The following OLIG2 variants were observed in gnomAD, a reference collection of about 807,000 sequenced individuals.
The protein encoded by OLIG2 is oligodendrocyte transcription factor 2, also known as basic domain, helix-loop-helix protein, class B, 1.
A neutral mutation model predicts 13.4 loss-of-function variants in OLIG2; 12 were observed. That is an observed-to-expected ratio of 0.90 (90% CI 0.58 to 1.46). OLIG2 has a LOEUF of 1.46. Ranked by LOEUF, OLIG2 falls within the 40% of genes most tolerant of loss-of-function variation. The probability of loss-of-function intolerance (pLI) is 0.00; values close to 1 mark genes in which losing one functional copy is unlikely to be tolerated. For synonymous variants in OLIG2, 250 were observed against 233.6 expected (o/e 1.07, Z -0.64); for missense variants, 415 against 487.9 (o/e 0.85, Z 1.41).
chr21:33,027,828 C>T lies in OLIG2; in HGVS notation c.966C>T (p.Ala322=), dbSNP rs774581948. Residue 322 remains alanine, a synonymous_variant, in exon 2 of 2, where the codon GCC becomes GCT. Coordinates refer to ENST00000382357, the MANE Select transcript of OLIG2 (RefSeq NM_005806.4). ...GCCTGCCGCGCCTCACCTCCGACGCCAAGTGAGCCGACTGGCGCCGGCGCG... is the reference window on the plus strand; with the variant it reads ...GCCTGCCGCGCCTCACCTCCGACGCTAAGTGAGCCGACTGGCGCCGGCGCG... The part of the protein sequence containing the change: ...AGSLPRLTSD[A]K 1.7e-5 allele frequency: 24 copies of T among 1,404,976 alleles called. No individual in the cohort carries two copies. The highest frequency in any genetic ancestry group is 6.4e-6 in the Non-Finnish European group (7 of 1,087,764). The allele number at this position is 1,404,976 out of a possible 1,614,324, so 87.0% of individuals were successfully genotyped here.
At position 33,027,964 on chromosome 21, in the gene OLIG2, T is replaced by G. The variant is rs1246854000; in HGVS notation, c.*130T>G. On this transcript the variant is annotated 3_prime_UTR_variant, in exon 2 of 2. Coordinates refer to ENST00000382357, the MANE Select transcript of OLIG2 (RefSeq NM_005806.4). ...AGGACCATGGACTGGGGGTGGGGCA[T>G]GGTGGGGATTCCAGCATCTGCGAAC... The G allele has an allele frequency of 1.9e-6, 2 of 1,059,764 alleles. No homozygotes were observed. Among genetic ancestry groups the G allele is most frequent in the Non-Finnish European group, 1.3e-6 (1 of 796,656 alleles). The allele number at this position is 1,059,764 out of a possible 1,614,324, so 65.6% of individuals were successfully genotyped here. A position where few individuals can be genotyped will look rare whatever the true frequency, so the allele number is the denominator to read the frequency against.
In OLIG2 at chr21:33,029,152, A is replaced by C. The variant is rs1981225054; in HGVS notation, c.*1318A>C. The C allele has an allele frequency of 4.9e-6, 1 of 205,430 alleles. No homozygotes were observed. The highest frequency in any genetic ancestry group is 2.3e-5 in the African/African-American group (1 of 42,948). 12.7% of individuals were successfully genotyped at this position (205,430 alleles called of 1,614,324 possible). A position where few individuals can be genotyped will look rare whatever the true frequency, so the allele number is the denominator to read the frequency against. Reference sequence around the variant, plus strand: ...ATTACTTGTTTGGTTGCAAAAACGGAATAAATGACTGAGTGTTGAGATTTT... The same window carrying C: ...ATTACTTGTTTGGTTGCAAAAACGGCATAAATGACTGAGTGTTGAGATTTT... On this transcript the variant is annotated 3_prime_UTR_variant, in exon 2 of 2. Transcript: ENST00000382357.
Position 33,027,939 on chromosome 21 carries a change from A to G in OLIG2, c.*105A>G. 1 of 1,239,410 alleles carries G rather than the reference A, an allele frequency of 8.1e-7. No individual in the cohort carries two copies. 76.8% of individuals were successfully genotyped at this position (1,239,410 alleles called of 1,614,324 possible). On this transcript the variant is annotated 3_prime_UTR_variant, in exon 2 of 2. Coordinates refer to ENST00000382357, the MANE Select transcript of OLIG2 (RefSeq NM_005806.4). ...GGAGCTCTGTCGCGAGGAGGGGCGC[A>G]GGACCATGGACTGGGGGTGGGGCAT...
rs372127202 is a variant in OLIG2, at chr21:33,027,258, C to G, written c.396C>G (p.Arg132=). Residue 132 remains arginine (R), a synonymous_variant, in exon 2 of 2, where the codon CGC becomes CGG. Coordinates refer to ENST00000382357, the MANE Select transcript of OLIG2 (RefSeq NM_005806.4). ...HDLNIAMDGL[R]EVMPYAHGPS... Reference sequence around the variant, plus strand: ...TCAACATCGCCATGGATGGCCTCCGCGAGGTCATGCCGTACGCACACGGCC... The same window carrying G: ...TCAACATCGCCATGGATGGCCTCCGGGAGGTCATGCCGTACGCACACGGCC... 23 of 1,609,852 alleles carry G rather than the reference C, an allele frequency of 1.4e-5. No homozygotes were observed. Among genetic ancestry groups the G allele is most frequent in the African/African-American group, 1.1e-4 (8 of 74,880 alleles).
chr21:33,028,215 ACT>A lies in OLIG2; in HGVS notation c.*383_*384del, dbSNP rs1236806771. 1 of 254,740 alleles carries A rather than the reference ACT, an allele frequency of 3.9e-6. No individual in the cohort carries two copies. The highest frequency in any genetic ancestry group is 2.2e-5 in the African/African-American group (1 of 45,634). 15.8% of individuals were successfully genotyped at this position (254,740 alleles called of 1,614,324 possible). A position where few individuals can be genotyped will look rare whatever the true frequency, so the allele number is the denominator to read the frequency against. ...CCTGAGAGCGTGGCCTGACTTGCAG[ACT>A]CGGCTTGGGCAGCACTTCGGGGGGG... On this transcript the variant is annotated 3_prime_UTR_variant, in exon 2 of 2. Transcript: ENST00000382357.
chr21:33,027,567 C>T lies in OLIG2; in HGVS notation c.705C>T (p.Ala235=), dbSNP rs768931419. ...CAGCGGCTGCTGCCGCCGCTGCAGC[C>T]GCGGCTGTGTCCAGCGCCTCTCTGC... is the stretch of plus-strand genomic sequence containing the variant. ...AAAAAAAAAA[A]AAVSSASLPG... is the part of the protein sequence containing the mutation. The change falls in exon 2 of 2, where the codon GCC becomes GCT. Residue 235 remains alanine, a synonymous_variant. Transcript: ENST00000382357. The T allele has an allele frequency of 7.0e-5, 103 of 1,476,982 alleles. 1 individual carries two copies. Among genetic ancestry groups the T allele is most frequent in the African/African-American group, 1.5e-5 (1 of 68,154 alleles). 91.5% of individuals were successfully genotyped at this position (1,476,982 alleles called of 1,614,324 possible).
rs759717501 is a variant in OLIG2, at chr21:33,027,837, C to A, written c.*3C>A. On this transcript the variant is annotated 3_prime_UTR_variant, in exon 2 of 2. Transcript: ENST00000382357. ...GCCTCACCTCCGACGCCAAGTGAGC[C>A]GACTGGCGCCGGCGCGTTCTGGCGA... The A allele has an allele frequency of 9.4e-6, 13 of 1,389,362 alleles. No homozygotes were observed. Among genetic ancestry groups the A allele is most frequent in the Non-Finnish European group, 5.6e-6 (6 of 1,078,776 alleles). The allele number at this position is 1,389,362 out of a possible 1,614,324, so 86.1% of individuals were successfully genotyped here. A position where few individuals can be genotyped will look rare whatever the true frequency, so the allele number is the denominator to read the frequency against.
In OLIG2 at chr21:33,026,854, C is replaced by A. The variant is rs758738495; in HGVS notation, c.-9C>A. ...GCGAAAGCTGCGACGACTATCTTCCCCTGGGGCCATGGACTCGGACGCCAG... is the reference window on the plus strand; with the variant it reads ...GCGAAAGCTGCGACGACTATCTTCCACTGGGGCCATGGACTCGGACGCCAG... On this transcript the variant is annotated 5_prime_UTR_variant, in exon 2 of 2. Coordinates refer to ENST00000382357, the MANE Select transcript of OLIG2 (RefSeq NM_005806.4). The surrounding 1 kb of genome is among the most constrained non-coding windows in gnomAD (Gnocchi z 6.6). 10 of 1,608,112 alleles carry A rather than the reference C, an allele frequency of 6.2e-6. No homozygotes were observed. The highest frequency in any genetic ancestry group is 8.5e-6 in the Non-Finnish European group (10 of 1,179,768).
rs1404827982 is a variant in OLIG2, at chr21:33,029,131, CTTGT to C, written c.*1301_*1304del. On this transcript the variant is annotated 3_prime_UTR_variant, in exon 2 of 2. Coordinates refer to ENST00000382357, the MANE Select transcript of OLIG2 (RefSeq NM_005806.4). ...ACAAAGTGCTAAATAATATTTATTA[CTTGT>C]TTGGTTGCAAAAACGGAATAAATGA... 3 of 210,106 alleles carry C rather than the reference CTTGT, an allele frequency of 1.4e-5. No individual in the cohort carries two copies. The highest frequency in any genetic ancestry group is 2.1e-5 in the Non-Finnish European group (2 of 93,954). The allele number at this position is 210,106 out of a possible 1,614,324, so 13.0% of individuals were successfully genotyped here.
rs1480013862 is a variant in OLIG2, at chr21:33,026,608, G to T, written c.-62-193G>T. 2 of 559,076 alleles carry T rather than the reference G, an allele frequency of 3.6e-6. No homozygotes were observed. The highest frequency in any genetic ancestry group is 6.1e-5 in the East Asian group (2 of 32,756). 34.6% of individuals were successfully genotyped at this position (559,076 alleles called of 1,614,324 possible). A position where few individuals can be genotyped will look rare whatever the true frequency, so the allele number is the denominator to read the frequency against. ...AGAGAGAGCTTAATTATAGGTACCC[G>T]CGTGCAGCTAAAAGGAGGGCCAGAG... On this transcript the variant is annotated intron_variant, in intron 1 of 1. Coordinates refer to ENST00000382357, the MANE Select transcript of OLIG2 (RefSeq NM_005806.4). This position sits in a 1 kb window ranked among gnomAD's most constrained non-coding sequence, Gnocchi z 6.6.
In OLIG2 at chr21:33,028,911, T is replaced by G. The variant is rs1447283337; in HGVS notation, c.*1077T>G. On this transcript the variant is annotated 3_prime_UTR_variant, in exon 2 of 2. Transcript: ENST00000382357. ...GCCCCATCGGAGTCTAAGCCGGCTT[T>G]CCTCTATTTTGGTTTATTTTTGCCA... 1 of 241,776 alleles carries G rather than the reference T, an allele frequency of 4.1e-6. No homozygotes were observed. 15.0% of individuals were successfully genotyped at this position (241,776 alleles called of 1,614,324 possible).
In OLIG2 at chr21:33,026,698, G is replaced by A. The variant is rs1981084212; in HGVS notation, c.-62-103G>A. 2 of 849,304 alleles carry A rather than the reference G, an allele frequency of 2.4e-6. No individual in the cohort carries two copies. The highest frequency in any genetic ancestry group is 2.8e-5 in the Admixed American group (1 of 35,184). The allele number at this position is 849,304 out of a possible 1,614,324, so 52.6% of individuals were successfully genotyped here. A position where few individuals can be genotyped will look rare whatever the true frequency, so the allele number is the denominator to read the frequency against. On this transcript the variant is annotated intron_variant, in intron 1 of 1. Coordinates refer to ENST00000382357, the MANE Select transcript of OLIG2 (RefSeq NM_005806.4). The surrounding 1 kb of genome is among the most constrained non-coding windows in gnomAD (Gnocchi z 6.6). ...CCGGGACCCCGCGCTGTGGTACTGCGGTGCAGGCGGGAGCAGCTTTTCTGT... is the reference window on the plus strand; with the variant it reads ...CCGGGACCCCGCGCTGTGGTACTGCAGTGCAGGCGGGAGCAGCTTTTCTGT...
rs928636807 is a variant in OLIG2 at position 33,028,029 on chromosome 21, G to A, written c.*195G>A. On this transcript the variant is annotated 3_prime_UTR_variant, in exon 2 of 2. Transcript: ENST00000382357. ...CGCCCACAGAGCAGTGGGGAGTGAGGGGATGTTCTCTCCGGGACCTGATCG... is the reference window on the plus strand; with the variant it reads ...CGCCCACAGAGCAGTGGGGAGTGAGAGGATGTTCTCTCCGGGACCTGATCG... 2 of 525,478 alleles carry A rather than the reference G, an allele frequency of 3.8e-6. No homozygotes were observed. The highest frequency in any genetic ancestry group is 4.4e-5 in the Admixed American group (1 of 22,928). The allele number at this position is 525,478 out of a possible 1,614,324, so 32.6% of individuals were successfully genotyped here.
Position 33,026,939 on chromosome 21 carries a change from G to A in OLIG2, c.77G>A (p.Ser26Asn), listed in dbSNP as rs1321982354. The change falls in exon 2 of 2, where the codon AGT (serine) becomes AAT (asparagine). Residue 26 changes from serine (S) to asparagine (N), a missense_variant. Transcript: ENST00000382357. The surrounding 1 kb of genome is among the most constrained non-coding windows in gnomAD (Gnocchi z 6.6). The part of the protein sequence containing the change: ...EPDDLFLPAR[S>N]KGSSGSAFTG... Reference sequence around the variant, plus strand: ...GATGACCTTTTTCTGCCGGCCCGGAGTAAGGGCAGCAGCGGCAGCGCCTTC... The same window carrying A: ...GATGACCTTTTTCTGCCGGCCCGGAATAAGGGCAGCAGCGGCAGCGCCTTC... The A allele has an allele frequency of 1.9e-6, 3 of 1,612,536 alleles. No homozygotes were observed. The highest frequency in any genetic ancestry group is 2.5e-6 in the Non-Finnish European group (3 of 1,179,952).
rs529308616 is a variant in OLIG2, at chr21:33,027,270, G to T, written c.408G>T (p.Pro136=). The change falls in exon 2 of 2, where the codon CCG becomes CCT. Residue 136 remains proline, a synonymous_variant. Coordinates refer to ENST00000382357, the MANE Select transcript of OLIG2 (RefSeq NM_005806.4). ...TGGATGGCCTCCGCGAGGTCATGCC[G>T]TACGCACACGGCCCTTCGGTGCGCA... ...IAMDGLREVM[P]YAHGPSVRKL... 5 of 1,608,556 alleles carry T rather than the reference G, an allele frequency of 3.1e-6. No individual in the cohort carries two copies. The highest frequency in any genetic ancestry group is 2.7e-5 in the African/African-American group (2 of 74,842).
Position 33,027,402 on chromosome 21 carries a change from C to A in OLIG2, c.540C>A (p.His180Gln). The A allele has an allele frequency of 6.5e-7, 1 of 1,547,370 alleles. No homozygotes were observed. The highest frequency in any genetic ancestry group is 8.7e-7 in the Non-Finnish European group (1 of 1,146,796). ...TGGTGAGCGAGATCTACGGGGGCCA[C>A]CACGCTGGCTTCCACCCGTCGGCCT... ...KRLVSEIYGG[H>Q]HAGFHPSACG... The change falls in exon 2 of 2, where the codon CAC (histidine) becomes CAA (glutamine). Residue 180 changes from histidine to glutamine, a missense_variant. By Grantham distance (24) the His-to-Gln change is conservative (BLOSUM62 0). This residue lies in a region of OLIG2 where 243 missense variants were observed against 241.2 expected (regional missense o/e 1.01). Coordinates refer to ENST00000382357, the MANE Select transcript of OLIG2 (RefSeq NM_005806.4).
rs1568808540 is a variant in OLIG2, at chr21:33,026,976, C to G, written c.114C>G (p.Thr38=). ...GSSGSAFTGG[T]VSSSTPSDCP... ...GCGGCAGCGCCTTCACTGGGGGCAC[C>G]GTGTCCTCGTCCACCCCGAGTGACT... Residue 38 remains threonine, a synonymous_variant, in exon 2 of 2, where the codon ACC becomes ACG. Coordinates refer to ENST00000382357, the MANE Select transcript of OLIG2 (RefSeq NM_005806.4). This position sits in a 1 kb window ranked among gnomAD's most constrained non-coding sequence, Gnocchi z 6.6. The G allele has an allele frequency of 1.9e-6, 3 of 1,612,380 alleles. No homozygotes were observed. Among genetic ancestry groups the G allele is most frequent in the Non-Finnish European group, 2.5e-6 (3 of 1,179,756 alleles).
At position 33,028,765 on chromosome 21, in the gene OLIG2, G is replaced by T; in HGVS notation, c.*931G>T. 1 of 242,914 alleles carries T rather than the reference G, an allele frequency of 4.1e-6. No individual in the cohort carries two copies. The highest frequency in any genetic ancestry group is 5.7e-5 in the Admixed American group (1 of 17,630). 15.0% of individuals were successfully genotyped at this position (242,914 alleles called of 1,614,324 possible). The stretch of plus-strand genomic sequence containing the variant: ...ACAGAATTAAAAGGCAGTTGCTGTG[G>T]AAACAGTTTGGGTTATTTGGGGGTT... On this transcript the variant is annotated 3_prime_UTR_variant, in exon 2 of 2. Transcript: ENST00000382357.
Position 33,026,713 on chromosome 21 carries a change from A to C in OLIG2, c.-62-88A>C. The C allele has an allele frequency of 9.9e-7, 1 of 1,006,376 alleles. No individual in the cohort carries two copies. The allele number at this position is 1,006,376 out of a possible 1,614,324, so 62.3% of individuals were successfully genotyped here. ...GTGGTACTGCGGTGCAGGCGGGAGC[A>C]GCTTTTCTGTCTCTCACTGACTCAC... is the stretch of plus-strand genomic sequence containing the variant. On this transcript the variant is annotated intron_variant, in intron 1 of 1. Transcript: ENST00000382357. This position sits in a 1 kb window ranked among gnomAD's most constrained non-coding sequence, Gnocchi z 6.6.
Sources: gnomAD v4.1 joint callset for allele counts on GRCh38, gnomAD v4.1.1 for gene constraint, gnomAD v4.1.1 regional missense constraint, Gnocchi (gnomAD v3.1) non-coding constraint, MANE v1.5 for transcripts, NCBI Gene and HGNC (gene_info 2026-07-23, HGNC 2026-07-21) for gene names.